MYO1G: variants seen among roughly 807,000 people sequenced by gnomAD.
MYO1G encodes the protein unconventional myosin-Ig.
A neutral mutation model predicts 115.3 loss-of-function variants in MYO1G; 65 were observed. The observed-to-expected ratio is 0.56, with a 90% confidence interval of 0.46 to 0.69. MYO1G has a LOEUF of 0.69. Ranked by LOEUF, MYO1G falls within the 30% of genes least tolerant of loss-of-function variation. MYO1G has a pLI of 0.00. For synonymous variants in MYO1G, 510 were observed against 552.6 expected (o/e 0.92, Z 1.08); for missense variants, 1,204 against 1,393.5 (o/e 0.86, Z 2.16).
Position 44,966,585 on chromosome 7 carries a change from G to A in MYO1G, c.1949+87C>T, listed in dbSNP as rs765554717. 3.3e-6 allele frequency: 5 copies of A among 1,514,788 alleles called. No individual in the cohort carries two copies. The highest frequency in any genetic ancestry group is 2.7e-5 in the African/African-American group (2 of 72,838). The allele number at this position is 1,514,788 out of a possible 1,614,324, so 93.8% of individuals were successfully genotyped here. A position where few individuals can be genotyped will look rare whatever the true frequency, so the allele number is the denominator to read the frequency against. Reference sequence around the variant, plus strand: ...TCCTGCTTGTATCGATGTTTGCGACGTGCTGTTTGGGGACCCTCTGCTCCT... The same window carrying A: ...TCCTGCTTGTATCGATGTTTGCGACATGCTGTTTGGGGACCCTCTGCTCCT... On this transcript the variant is annotated intron_variant, in intron 15 of 21. Transcript: ENST00000258787. This position sits in a 1 kb window ranked among gnomAD's most constrained non-coding sequence, Gnocchi z 5.0.
Position 44,967,888 on chromosome 7 carries a change from T to C in MYO1G, c.1645A>G (p.Asn549Asp). The change falls in exon 13 of 22, where the codon AAC (asparagine) becomes GAC (aspartate). Residue 549 changes from asparagine (N) to aspartate (D), a missense_variant. Coordinates refer to ENST00000258787, the MANE Select transcript of MYO1G (RefSeq NM_033054.3). ...LFQDFKRLLY[N>D]STDPTLRAMW... ...TGCCCAGCAAGCCGTGCTCACCTGT[T>C]GTACAGCAGCCGCTTGAAGTCCTGG... 6.2e-7 allele frequency: 1 copy of C among 1,613,992 alleles called. No homozygotes were observed. Among genetic ancestry groups the C allele is most frequent in the Non-Finnish European group, 8.5e-7 (1 of 1,180,020 alleles).
In MYO1G at chr7:44,965,714, G is replaced by T; in HGVS notation, c.2304C>A (p.Tyr768Ter). ...GCAGCGGCCACACAAGGTCACGCCCGTAGAGTGGCGGCTGCCTTGCAGCCT... is the reference window on the plus strand; with the variant it reads ...GCAGCGGCCACACAAGGTCACGCCCTTAGAGTGGCGGCTGCCTTGCAGCCT... Reference protein sequence around the residue: ...RFQAARQPPLYGRDLVWPLPP... With the variant: ...RFQAARQPPL The change falls in exon 17 of 22, where the codon TAC (tyrosine) becomes TAA (stop). Residue 768 changes from tyrosine to a stop codon, truncating the protein, a stop_gained. Coordinates refer to ENST00000258787, the MANE Select transcript of MYO1G (RefSeq NM_033054.3). LOFTEE classifies it high-confidence loss of function. 6.2e-7 allele frequency: 1 copy of T among 1,612,832 alleles called. No homozygotes were observed. The highest frequency in any genetic ancestry group is 8.5e-7 in the Non-Finnish European group (1 of 1,179,986).
At position 44,971,155 on chromosome 7, in the gene MYO1G, G is replaced by T. The variant is rs1268246003; in HGVS notation, c.847-96C>A. On this transcript the variant is annotated intron_variant, in intron 7 of 21. Transcript: ENST00000258787. ...AGGAGGAAGGAAAGCAGGGGACATG[G>T]ATGCGGTAGAGTACAGCTCCTTCTC... 15 of 1,081,868 alleles carry T rather than the reference G, an allele frequency of 1.4e-5. No homozygotes were observed. The Admixed American group carries it at 3.2e-4, about 23-fold the overall frequency. 67.0% of individuals were successfully genotyped at this position (1,081,868 alleles called of 1,614,324 possible).
rs753570242 is a variant in MYO1G at position 44,962,770 on chromosome 7, C to T, written c.3026G>A (p.Gly1009Asp). 3 of 1,488,314 alleles carry T rather than the reference C, an allele frequency of 2.0e-6. No homozygotes were observed. The South Asian group carries it at 4.0e-5, about 20-fold the overall frequency. The allele number at this position is 1,488,314 out of a possible 1,614,324, so 92.2% of individuals were successfully genotyped here. A position where few individuals can be genotyped will look rare whatever the true frequency, so the allele number is the denominator to read the frequency against. ...QPEPDFRCARGSFTLLWPSR is the reference protein window; with the variant it reads ...QPEPDFRCARDSFTLLWPSR ...GCTGGGCCAGAGCAGGGTGAAGGAGCCGCGAGCGCAGCGGAAATCGGGCTC... is the reference window on the plus strand; with the variant it reads ...GCTGGGCCAGAGCAGGGTGAAGGAGTCGCGAGCGCAGCGGAAATCGGGCTC... The change falls in exon 22 of 22, where the codon GGC becomes GAC. Residue 1009 changes from glycine to aspartate, a missense_variant. Physicochemically the swap from Gly to Asp is moderately conservative, Grantham distance 94 (BLOSUM62 -1). Coordinates refer to ENST00000258787, the MANE Select transcript of MYO1G (RefSeq NM_033054.3). This position sits in a 1 kb window ranked among gnomAD's most constrained non-coding sequence, Gnocchi z 5.3.
chr7:44,971,918 A>C, intron 6 of MYO1G, 129 bp from the exon 7 acceptor site: 2 of 774,766 alleles, frequency 2.6e-6, no homozygotes, highest in East Asian at 2.7e-5. Flanking sequence ...GAACCTGATT[A>C]CTCCAGCCTA....
intron 1 of MYO1G, among the ~76,000 whole-genome samples, 165 bp downstream of exon 1, chr7:44,978,702 G>A (rs961806130): frequency 2.0e-5 from 3 of 152,200 alleles, no homozygotes; most frequent in Admixed American, 6.5e-5. Context: ...CCCTGGGGCC[G>A]TGCTTTGAGG....
chr7:44,978,701 C>T (rs10257166), intron 1 of MYO1G, among the ~76,000 whole-genome samples, 166 bp downstream of exon 1: 18,282 of 152,214 alleles, frequency 0.12, 2,083 homozygotes, highest in African/African-American at 0.29. Flanking sequence ...CCCCTGGGGC[C>T]GTGCTTTGAG....
chr7:44,962,863 T>C lies in MYO1G; in HGVS notation c.2933A>G (p.Asp978Gly). ...CCCGCGATGGCTTAGTGGGATGCAG[T>C]CGGAGACGCGAACCTCCAGGGTGCG... is the stretch of plus-strand genomic sequence containing the variant. Reference protein sequence around the residue: ...EGRTLEVRVSDCIPLSHRGVR... With the variant: ...EGRTLEVRVSGCIPLSHRGVR... The change falls in exon 22 of 22, where the codon GAC becomes GGC. Residue 978 changes from aspartate (D) to glycine (G), a missense_variant. Coordinates refer to ENST00000258787, the MANE Select transcript of MYO1G (RefSeq NM_033054.3). This position sits in a 1 kb window ranked among gnomAD's most constrained non-coding sequence, Gnocchi z 5.3. 1 of 1,501,038 alleles carries C rather than the reference T, an allele frequency of 6.7e-7. No individual in the cohort carries two copies. Among genetic ancestry groups the C allele is most frequent in the Non-Finnish European group, 8.9e-7 (1 of 1,126,810 alleles). 93.0% of individuals were successfully genotyped at this position (1,501,038 alleles called of 1,614,324 possible).
intron 5 of MYO1G, chr7:44,974,899 G>A: frequency 1.9e-6 from 1 of 527,990 alleles, no homozygotes; most frequent in Non-Finnish European, 3.4e-6. Context: ...TGTTCACAGA[G>A]ACACTTATGG....
At chr7:44,974,303 T>G (rs937573283) in intron 5 of MYO1G, 2 of 151,586 alleles carry the variant, frequency 1.3e-5, no homozygotes, top group Admixed American at 1.3e-4. Flanking sequence ...CCCAGGGAGC[T>G]CCTGTCTCAT....
Position 44,969,449 on chromosome 7 carries a change from C to G in MYO1G, c.1538G>C (p.Arg513Pro). The change falls in exon 12 of 22, where the codon CGA becomes CCA. Residue 513 changes from arginine (R) to proline (P), a missense_variant. Transcript: ENST00000258787. The surrounding 1 kb of genome is among the most constrained non-coding windows in gnomAD (Gnocchi z 5.0). Reference protein sequence around the residue: ...CPTDKTMEFGRDFRIKHYAGD... With the variant: ...CPTDKTMEFGPDFRIKHYAGD... Reference sequence around the variant, plus strand: ...TGCATAGTGCTTGATCCGGAAGTCTCGGCCAAACTCCATGGTCTTGTCTGT... The same window carrying G: ...TGCATAGTGCTTGATCCGGAAGTCTGGGCCAAACTCCATGGTCTTGTCTGT... 1 of 1,613,904 alleles carries G rather than the reference C, an allele frequency of 6.2e-7. No homozygotes were observed. The highest frequency in any genetic ancestry group is 8.5e-7 in the Non-Finnish European group (1 of 1,179,992).
At chr7:44,972,029 T>A (rs1010944305) in intron 6 of MYO1G, 86 bp downstream of exon 6, 1 of 1,095,532 alleles carries the variant, frequency 9.1e-7, no homozygotes, top group Non-Finnish European at 1.4e-6. Flanking sequence ...CACCCTGGCC[T>A]GTGCTGAGTG....
chr7:44,963,305 G>C lies in MYO1G; in HGVS notation c.2746-181C>G. On this transcript the variant is annotated intron_variant, in intron 20 of 21. Coordinates refer to ENST00000258787, the MANE Select transcript of MYO1G (RefSeq NM_033054.3). The surrounding 1 kb of genome is among the most constrained non-coding windows in gnomAD (Gnocchi z 4.1). Reference sequence around the variant, plus strand: ...CCTCTCGGGGCCCTGCTGACAGGGGGAAGCTTGGGCGGGACGCTGCACAAT... The same window carrying C: ...CCTCTCGGGGCCCTGCTGACAGGGGCAAGCTTGGGCGGGACGCTGCACAAT... 1 of 641,698 alleles carries C rather than the reference G, an allele frequency of 1.6e-6. No homozygotes were observed. Among genetic ancestry groups the C allele is most frequent in the East Asian group, 3.4e-5 (1 of 29,688 alleles). The allele number at this position is 641,698 out of a possible 1,614,324, so 39.8% of individuals were successfully genotyped here. A position where few individuals can be genotyped will look rare whatever the true frequency, so the allele number is the denominator to read the frequency against.
At chr7:44,977,113 AG>A in intron 1 of MYO1G, 42 bp from the exon 2 acceptor site, 1 of 1,582,556 alleles carries the variant, frequency 6.3e-7, no homozygotes, top group Non-Finnish European at 8.6e-7. Context: ...ACAGGCTTAC[AG>A]GCACCCACAG....
At chr7:44,973,449 C>T (rs764953234) in intron 5 of MYO1G, 6 of 152,040 alleles carry the variant, frequency 3.9e-5, no homozygotes, top group Non-Finnish European at 5.9e-5. Flanking sequence ...GCCCAGAGTC[C>T]GTGGAGACAC....
At chr7:44,965,110 A>T (rs375337847) in intron 17 of MYO1G, 21 bp from the exon 18 acceptor site, 2 of 1,592,352 alleles carry the variant, frequency 1.3e-6, no homozygotes, top group African/African-American at 2.7e-5. Flanking sequence ...GCATGTAGTC[A>T]GACAGATGCT....
intron 2 of MYO1G, 96 bp from the exon 3 acceptor site, chr7:44,976,753 G>A (rs1795056584): frequency 1.3e-6 from 2 of 1,577,700 alleles, no homozygotes; most frequent in African/African-American, 2.7e-5. Flanking sequence ...GCAAGATGGG[G>A]TCCTAGGGCC....
Position 44,969,564 on chromosome 7 carries a change from A to C in MYO1G, c.1504-81T>G. The stretch of plus-strand genomic sequence containing the variant: ...GGGATAGCCCTGCCTCCCCACCTCC[A>C]GGGCAGAGAAGGTTGCCACAGTGAC... On this transcript the variant is annotated intron_variant, in intron 11 of 21. Transcript: ENST00000258787. This position sits in a 1 kb window ranked among gnomAD's most constrained non-coding sequence, Gnocchi z 5.0. 6.3e-7 allele frequency: 1 copy of C among 1,583,374 alleles called. No homozygotes were observed. Among genetic ancestry groups the C allele is most frequent in the South Asian group, 1.1e-5 (1 of 90,428 alleles).
rs772334934 is a variant in MYO1G at position 44,976,906 on chromosome 7, C to CT, written c.260dup (p.Ala88GlyfsTer26). On this transcript the variant is annotated frameshift_variant, in exon 2 of 22. Coordinates refer to ENST00000258787, the MANE Select transcript of MYO1G (RefSeq NM_033054.3). LOFTEE classifies it high-confidence loss of function. ...TGTCCCTGGACCGGTGCTTCATTGC[C>CT]TTGTAGGCGGCGTTGGCCACAGCAT... 6.2e-7 allele frequency: 1 copy of CT among 1,613,566 alleles called. No homozygotes were observed. Among genetic ancestry groups the CT allele is most frequent in the Non-Finnish European group, 8.5e-7 (1 of 1,180,030 alleles).
Sources: gnomAD v4.1 joint callset for allele counts (sites outside exome capture counted in the v4.1 genomes callset) on GRCh38, gnomAD v4.1.1 for gene constraint, Gnocchi (gnomAD v3.1) non-coding constraint, MANE v1.5 for transcripts, NCBI Gene and HGNC (gene_info 2026-07-23, HGNC 2026-07-21) for gene names.